The following WFS1 variants were observed in gnomAD, a reference collection of about 807,000 sequenced individuals.
WFS1 encodes the protein wolframin.
In WFS1, 90 loss-of-function variants were observed where a neutral mutation model predicts 68.5. The ratio of observed to expected loss-of-function variants is 1.31; its 90% CI spans 1.11 to 1.56. The LOEUF is 1.56. Among genes scored for constraint, WFS1 ranks in the 40% most tolerant of loss-of-function variants. The pLI is 0.00. For synonymous variants in WFS1, 860 were observed against 540.7 expected, an observed-to-expected ratio of 1.59 and a Z score of -8.19; for missense variants, 1,767 against 1,232.6, an observed-to-expected ratio of 1.43 and a Z score of -6.49.
chr4:6,298,392 A>G (rs1266977430), intron 7 of WFS1, among the ~76,000 whole-genome samples: 1 of 152,244 alleles, frequency 6.6e-6, no homozygotes, highest in Non-Finnish European at 1.5e-5. Context: ...TTCCCTGGCC[A>G]TCTCCTGGCA....
At position 6,302,113 on chromosome 4, in the gene WFS1, A is replaced by G. The variant is rs932115599; in HGVS notation, c.2318A>G (p.Tyr773Cys). ...HPCHIKKFDR[Y>C]KFEITVGMPF... ...TGCCACATCAAGAAGTTCGACCGCT[A>G]CAAGTTTGAGATTACCGTGGGCATG... Residue 773 changes from tyrosine to cysteine, a missense_variant, in exon 8 of 8, where the codon TAC (tyrosine) becomes TGC (cysteine). Coordinates refer to ENST00000226760, the MANE Select transcript of WFS1 (RefSeq NM_006005.3). 11 of 1,612,908 alleles carry G rather than the reference A, an allele frequency of 6.8e-6. No individual in the cohort carries two copies. The highest frequency in any genetic ancestry group is 9.3e-6 in the Non-Finnish European group (11 of 1,180,006).
chr4:6,295,217 G>A (rs71524383), intron 7 of WFS1, 28 bp downstream of exon 7: 195 of 1,609,834 alleles, frequency 1.2e-4, no homozygotes, highest in Middle Eastern at 2.2e-4. Context: ...CGGTCAGGCC[G>A]GAGCCTGCCT....
chr4:6,291,714 C>T (rs890828845), intron 5 of WFS1, among the ~76,000 whole-genome samples: 3 of 152,192 alleles, frequency 2.0e-5, no homozygotes, highest in African/African-American at 4.8e-5. Context: ...GAGCACGCTA[C>T]GTGGTGCTGA....
intron 7 of WFS1, among the ~76,000 whole-genome samples, chr4:6,298,201 T>G (rs1359512051): frequency 6.6e-6 from 1 of 152,248 alleles, no homozygotes; most frequent in Non-Finnish European, 1.5e-5. Flanking sequence ...GGGGATTAAC[T>G]GAGCAGCCTG....
intron 1 of WFS1, among the ~76,000 whole-genome samples, chr4:6,277,082 C>T (rs748246907): frequency 6.6e-6 from 1 of 152,274 alleles, no homozygotes; most frequent in African/African-American, 2.4e-5. Flanking sequence ...AATTCAGCCC[C>T]CTGCAGCCAG....
chr4:6,296,694 G>A lies in WFS1; in HGVS notation c.861+1505G>A, dbSNP rs187688963. Among the ~76,000 whole-genome samples, 118 of 152,368 alleles carry A rather than the reference G, an allele frequency of 7.7e-4. 1 individual carries two copies. Among genetic ancestry groups the A allele is most frequent in the African/African-American group, 2.6e-3 (109 of 41,588 alleles). ...CTTGGGCCAGGCGGCCATGGCCCAG[G>A]TGTCCCAGTTTATGCCATCTGGTGT... On this transcript the variant is annotated intron_variant, in intron 7 of 7. Transcript: ENST00000226760.
At chr4:6,277,747 G>A (rs1730042468) in intron 2 of WFS1, 60 bp downstream of exon 2, 25 of 1,536,872 alleles carry the variant, frequency 1.6e-5, no homozygotes, top group South Asian at 3.6e-5. Flanking sequence ...GGGTGGGAAC[G>A]GGGTTCAGCC....
Position 6,273,625 on chromosome 4 carries a change from G to A in WFS1, c.-6+3611G>A, listed in dbSNP as rs535495864. Among the ~76,000 whole-genome samples the A allele has an allele frequency of 4.2e-3, 634 of 152,310 alleles. 8 individuals carry two copies. Among genetic ancestry groups the A allele is most frequent in the Non-Finnish European group, 3.6e-3 (245 of 68,014 alleles). ...TTCCTGGCAAGGCAGCCGGTCTTCC[G>A]AGTGGATAAGCTGCAGCCCTGCCCT... is the stretch of plus-strand genomic sequence containing the variant. On this transcript the variant is annotated intron_variant, in intron 1 of 7. Transcript: ENST00000226760.
chr4:6,295,199 C>T lies in WFS1; in HGVS notation c.861+10C>T. On this transcript the variant is annotated intron_variant, in intron 7 of 7. Transcript: ENST00000226760. The stretch of plus-strand genomic sequence containing the variant: ...GCCACTGCGTCTGAAGGTGAGTGAC[C>T]AAGACCCCGGTCAGGCCGGAGCCTG... The T allele has an allele frequency of 6.2e-7, 1 of 1,611,138 alleles. No individual in the cohort carries two copies. The highest frequency in any genetic ancestry group is 8.5e-7 in the Non-Finnish European group (1 of 1,180,020).
At position 6,292,706 on chromosome 4, in the gene WFS1, G is replaced by C. The variant is rs527463984; in HGVS notation, c.712+709G>C. On this transcript the variant is annotated intron_variant, in intron 6 of 7. Transcript: ENST00000226760. ...GAGGCTTGGGGGCTCAGTATCAATGGGGGGATGGGCCAAGACCCAGGTCTG... is the reference window on the plus strand; with the variant it reads ...GAGGCTTGGGGGCTCAGTATCAATGCGGGGATGGGCCAAGACCCAGGTCTG... 7.7e-4 allele frequency among the ~76,000 whole-genome samples: 117 copies of C among 152,284 alleles called. 3 individuals are homozygous for C. The South Asian group carries it at 0.022, about 28-fold the overall frequency.
rs532368033 is a variant in WFS1, at chr4:6,295,159, G to A, written c.831G>A (p.Lys277=). Residue 277 remains lysine (K), a synonymous_variant, in exon 7 of 8, where the codon AAG becomes AAA. Transcript: ENST00000226760. ...DDEDDDELAG[K]SPEDLPLRLK... ...AAGATGATGACGAGCTGGCGGGGAA[G>A]AGCCCTGAGGACCTGCCACTGCGTC... 186 of 1,612,296 alleles carry A rather than the reference G, an allele frequency of 1.2e-4. 4 individuals are homozygous for A. In the South Asian group the frequency reaches 2.0e-3, roughly 17 times the overall value.
At chr4:6,300,574 G>A (rs1177130369) in intron 7 of WFS1, 83 bp from the exon 8 acceptor site, 3 of 1,593,890 alleles carry the variant, frequency 1.9e-6, no homozygotes, top group Non-Finnish European at 2.6e-6. Context: ...TTGCCCAGAG[G>A]CAGGGTGGTC....
chr4:6,280,344 T>A lies in WFS1; in HGVS notation c.232+2657T>A, dbSNP rs554367005. Among the ~76,000 whole-genome samples, 54 of 152,346 alleles carry A rather than the reference T, an allele frequency of 3.5e-4. No individual in the cohort carries two copies. In the South Asian group the frequency reaches 0.011, roughly 31 times the overall value. On this transcript the variant is annotated intron_variant, in intron 2 of 7. Coordinates refer to ENST00000226760, the MANE Select transcript of WFS1 (RefSeq NM_006005.3). ...CAGGGGCCGTTTCTTCACAGGCAGC[T>A]GTGGTGAGTCCTGTGATCACCTCAG...
Position 6,302,089 on chromosome 4 carries a change from G to A in WFS1, c.2294G>A (p.Cys765Tyr), listed in dbSNP as rs754055871. Reference protein sequence around the residue: ...CRLKLLAKHPCHIKKFDRYKF... With the variant: ...CRLKLLAKHPYHIKKFDRYKF... ...CTTAAGCTGCTGGCCAAGCACCCCT[G>A]CCACATCAAGAAGTTCGACCGCTAC... The change falls in exon 8 of 8, where the codon TGC (cysteine) becomes TAC (tyrosine). Residue 765 changes from cysteine to tyrosine, a missense_variant. Physicochemically the swap from Cys to Tyr is radical, Grantham distance 194. Transcript: ENST00000226760. 4 of 1,612,768 alleles carry A rather than the reference G, an allele frequency of 2.5e-6. No individual in the cohort carries two copies. Among genetic ancestry groups the A allele is most frequent in the South Asian group, 1.1e-5 (1 of 91,096 alleles).
intron 7 of WFS1, among the ~76,000 whole-genome samples, chr4:6,299,316 CT>C (rs1730756898): frequency 6.6e-6 from 1 of 152,218 alleles, no homozygotes. Flanking sequence ...GCCAAGAGCT[CT>C]TTCTGACCTT....
In WFS1 at chr4:6,302,489, C is replaced by T; in HGVS notation, c.*21C>T. The T allele has an allele frequency of 3.1e-6, 5 of 1,611,710 alleles. No homozygotes were observed. The highest frequency in any genetic ancestry group is 4.2e-6 in the Non-Finnish European group (5 of 1,179,966). On this transcript the variant is annotated 3_prime_UTR_variant, in exon 8 of 8. Transcript: ENST00000226760. ...CCTGAGGATGGTCCGCCACGAGGAG[C>T]TTCCAGTGCATGTTGCCATGAGGCC... is the stretch of plus-strand genomic sequence containing the variant.
intron 7 of WFS1, among the ~76,000 whole-genome samples, chr4:6,299,861 G>A (rs1730801895): frequency 7.2e-6 from 1 of 138,608 alleles, no homozygotes; most frequent in African/African-American, 2.8e-5. Context: ...GTGAATGCGT[G>A]TGTGTAGGGG....
chr4:6,302,168 C>T lies in WFS1; in HGVS notation c.2373C>T (p.Arg791=). The T allele has an allele frequency of 6.2e-7, 1 of 1,612,730 alleles. No individual in the cohort carries two copies. Among genetic ancestry groups the T allele is most frequent in the Non-Finnish European group, 8.5e-7 (1 of 1,179,978 alleles). ...TCAGCAGCGGCGCTGACGGCTCGCG[C>T]AGCCGCGAGGAGGACGACGTCACCA... ...MPFSSGADGS[R]SREEDDVTKD... Residue 791 remains arginine, a synonymous_variant, in exon 8 of 8, where the codon CGC becomes CGT. Transcript: ENST00000226760.
intron 5 of WFS1, 81 bp downstream of exon 5, chr4:6,291,448 G>C: frequency 1.3e-6 from 2 of 1,554,820 alleles, no homozygotes; most frequent in Non-Finnish European, 1.7e-6. Context: ...ATAGGGGCTG[G>C]GACCTTCCCT....
Sources: allele counts gnomAD v4.1 joint callset (sites outside exome capture counted in the v4.1 genomes callset), GRCh38; gene constraint gnomAD v4.1.1; transcripts MANE v1.5; gene names NCBI Gene and HGNC (gene_info 2026-07-23, HGNC 2026-07-21).